The following MEGF10 variants were observed in gnomAD, a reference collection of about 807,000 sequenced individuals.
MEGF10 encodes multiple epidermal growth factor-like domains protein 10.
In MEGF10, 86 loss-of-function variants were observed where a neutral mutation model predicts 147.5. That is an observed-to-expected ratio of 0.58 (90% CI 0.49 to 0.70). The LOEUF (loss-of-function observed/expected upper bound fraction) is 0.70, where lower values mean the gene tolerates loss of function less well. MEGF10 is among the 30% of genes least tolerant of loss of function. The pLI is 0.00. For missense variants in MEGF10, 1,329 were observed against 1,487.3 expected, an observed-to-expected ratio of 0.89 and a Z score of 1.75; for synonymous variants, 478 against 525.5, an observed-to-expected ratio of 0.91 and a Z score of 1.24.
At chr5:127,353,874 T>TG (rs1561589173) in intron 4 of MEGF10, among the ~76,000 whole-genome samples, 1 of 152,220 alleles carries the variant, frequency 6.6e-6, no homozygotes, top group Non-Finnish European at 1.5e-5. Flanking sequence ...TAACTCACTT[T>TG]ATTGCCTGGC....
intron 1 of MEGF10, among the ~76,000 whole-genome samples, chr5:127,311,907 A>C (rs1293817217): frequency 6.6e-6 from 1 of 152,188 alleles, no homozygotes; most frequent in African/African-American, 2.4e-5. Context: ...ACAGGGCCTC[A>C]ATCATCTGAG....
At chr5:127,247,339 A>T in the MEGF10 span, among the ~76,000 whole-genome samples, 1 of 5,492 alleles carries the variant, frequency 1.8e-4, no homozygotes, top group African/African-American at 6.1e-4. Flanking sequence ...GAAGAAGAAG[A>T]AGAAGAAGAA....
the MEGF10 span, among the ~76,000 whole-genome samples, chr5:127,258,114 T>C: frequency 6.6e-6 from 1 of 152,214 alleles, no homozygotes; most frequent in Non-Finnish European, 1.5e-5. Context: ...TAATTTCCAA[T>C]TGTGCTCAGT....
At chr5:127,391,086 A>ACG (rs1561614434) in intron 5 of MEGF10, among the ~76,000 whole-genome samples, 1 of 73,112 alleles carries the variant, frequency 1.4e-5, no homozygotes, top group Non-Finnish European at 3.3e-5. Flanking sequence ...ACATACACAC[A>ACG]TGCGCGCGCG....
chr5:127,242,160 C>T, the MEGF10 span, among the ~76,000 whole-genome samples: 1 of 152,138 alleles, frequency 6.6e-6, no homozygotes, highest in Non-Finnish European at 1.5e-5. Context: ...ATAAGACATA[C>T]AACAGGCAGC....
intron 2 of MEGF10, among the ~76,000 whole-genome samples, chr5:127,335,544 C>T (rs1340956930): frequency 4.6e-5 from 7 of 152,048 alleles, no homozygotes; most frequent in Admixed American, 2.6e-4. Flanking sequence ...GAAAATGGAC[C>T]CCTTGAAGAA....
At chr5:127,238,061 A>ATATATATG in the MEGF10 span, among the ~76,000 whole-genome samples, 1 of 112,066 alleles carries the variant, frequency 8.9e-6, no homozygotes, top group Non-Finnish European at 1.9e-5. Flanking sequence ...ATATATATAT[A>ATATATATG]TATGTATATA....
At position 127,410,437 on chromosome 5, in the gene MEGF10, G is replaced by C; in HGVS notation, c.966G>C (p.Glu322Asp). ...GGACCTATGGCGTTCTCTGTGCTGA[G>C]ACCTGCCAGTGTGTCAACGGAGGGA... ...PVGTYGVLCA[E>D]TCQCVNGGKC... Residue 322 changes from glutamate (E) to aspartate (D), a missense_variant, in exon 9 of 25, where the codon GAG becomes GAC. Physicochemically the swap from Glu to Asp is conservative, Grantham distance 45 (BLOSUM62 2). This residue lies in a region of MEGF10 where 980 missense variants were observed against 1,085.9 expected (regional missense o/e 0.90). Transcript: ENST00000503335. 6.2e-7 allele frequency: 1 copy of C among 1,614,238 alleles called. No individual in the cohort carries two copies. Among genetic ancestry groups the C allele is most frequent in the Non-Finnish European group, 8.5e-7 (1 of 1,180,056 alleles).
intron 11 of MEGF10, 62 bp from the exon 12 acceptor site, chr5:127,419,982 G>A: frequency 6.4e-7 from 1 of 1,567,030 alleles, no homozygotes; most frequent in Non-Finnish European, 8.7e-7. Flanking sequence ...GGTTTGGAAA[G>A]GCTCAACAAG....
At chr5:127,350,109 A>G (rs571066654) in intron 4 of MEGF10, among the ~76,000 whole-genome samples, 46 of 152,140 alleles carry the variant, frequency 3.0e-4, no homozygotes, top group African/African-American at 5.5e-4. Flanking sequence ...TGAAATCACA[A>G]CCTCTAAGGT....
chr5:127,343,990 C>A (rs1761779896), intron 4 of MEGF10, among the ~76,000 whole-genome samples: 2 of 152,112 alleles, frequency 1.3e-5, no homozygotes, highest in African/African-American at 4.8e-5. Context: ...TAGGACCATG[C>A]AGCTTAGTTT....
chr5:127,293,856 A>G (rs1450389911), intron 1 of MEGF10, among the ~76,000 whole-genome samples: 1 of 152,216 alleles, frequency 6.6e-6, no homozygotes, highest in Non-Finnish European at 1.5e-5. Context: ...TTGGAGAAAC[A>G]CTGGCTTACA....
the MEGF10 span, among the ~76,000 whole-genome samples, chr5:127,239,160 T>C: frequency 6.6e-6 from 1 of 151,912 alleles, no homozygotes; most frequent in Non-Finnish European, 1.5e-5. Flanking sequence ...ACGCTTGAGA[T>C]TGATGGAGAC....
At chr5:127,309,947 C>CTCTTTCCTTCTT (rs1554088995) in intron 1 of MEGF10, among the ~76,000 whole-genome samples, 12,853 of 90,292 alleles carry the variant, frequency 0.14, 2,833 homozygotes, top group Middle Eastern at 0.2. Flanking sequence ...TCCTTGCCAA[C>CTCTTTCCTTCTT]TCTTTCTTTC....
chr5:127,454,732 C>A, intron 23 of MEGF10, 122 bp downstream of exon 23: 3 of 788,890 alleles, frequency 3.8e-6, no homozygotes, highest in South Asian at 2.0e-5. Flanking sequence ...TTAGTGTGGT[C>A]AGTTACTACA....
At chr5:127,428,335 A>G (rs1382055516) in intron 13 of MEGF10, among the ~76,000 whole-genome samples, 2 of 152,108 alleles carry the variant, frequency 1.3e-5, no homozygotes, top group African/African-American at 2.4e-5. Flanking sequence ...TCCAGGTTCT[A>G]TGCAACCATA....
intron 5 of MEGF10, among the ~76,000 whole-genome samples, chr5:127,394,036 T>A (rs189145771): frequency 6.6e-6 from 1 of 152,284 alleles, no homozygotes; most frequent in Admixed American, 6.5e-5. Context: ...CTGACCACAG[T>A]GTCACATGGG....
At chr5:127,307,432 T>C (rs938222077) in intron 1 of MEGF10, among the ~76,000 whole-genome samples, 3 of 152,198 alleles carry the variant, frequency 2.0e-5, no homozygotes, top group African/African-American at 7.2e-5. Flanking sequence ...CTAGATGTTT[T>C]GCCTGGCCAC....
At chr5:127,333,384 A>G (rs1372109666) in intron 2 of MEGF10, among the ~76,000 whole-genome samples, 2 of 151,984 alleles carry the variant, frequency 1.3e-5, no homozygotes, top group African/African-American at 2.4e-5. Context: ...GTGGTGGTGC[A>G]TGCCTGTAAT....
Sources: gnomAD v4.1 joint callset for allele counts (sites outside exome capture counted in the v4.1 genomes callset) on GRCh38, gnomAD v4.1.1 for gene constraint, gnomAD v4.1.1 regional missense constraint, MANE v1.5 for transcripts, NCBI Gene and HGNC (gene_info 2026-07-23, HGNC 2026-07-21) for gene names.